The following ZNF587B variants were observed in gnomAD, a reference collection of about 807,000 sequenced individuals.
The protein encoded by ZNF587B is zinc finger protein 587B.
In ZNF587B, 6 loss-of-function variants were observed where a neutral mutation model predicts 7.2. That is an observed-to-expected ratio of 0.83 (90% CI 0.46 to 1.65). ZNF587B has a LOEUF of 1.65. Among genes scored for constraint, ZNF587B ranks in the 40% most tolerant of loss-of-function variants. ZNF587B has a pLI of 0.01. For synonymous variants in ZNF587B, 274 were observed against 254.3 expected (o/e 1.08, Z -0.74); for missense variants, 749 against 761.0 (o/e 0.98, Z 0.19).
At position 57,843,205 on chromosome 19, in the gene ZNF587B, T is replaced by A; in HGVS notation, c.*629T>A. 1 of 754,148 alleles carries A rather than the reference T, an allele frequency of 1.3e-6. No individual in the cohort carries two copies. Among genetic ancestry groups the A allele is most frequent in the Non-Finnish European group, 1.6e-6 (1 of 619,328 alleles). 46.7% of individuals were successfully genotyped at this position (754,148 alleles called of 1,614,324 possible). On this transcript the variant is annotated 3_prime_UTR_variant, in exon 3 of 3. Coordinates refer to ENST00000594901, the MANE Select transcript of ZNF587B (RefSeq NM_001376223.1). ...ATAGGGTTTTACCATGTTTCCAGGC[T>A]GGTATCGAACTCCTGAGCTCAAGCA...
Position 57,842,683 on chromosome 19 carries a change from C to G in ZNF587B, c.*107C>G. ...AATGTTTACCCAAAAGAAGTCTGCT[C>G]TCCTTGGACATTGGAGAGTTCACAC... On this transcript the variant is annotated 3_prime_UTR_variant, in exon 3 of 3. Coordinates refer to ENST00000594901, the MANE Select transcript of ZNF587B (RefSeq NM_001376223.1). 7.5e-7 allele frequency: 1 copy of G among 1,342,110 alleles called. No homozygotes were observed. Among genetic ancestry groups the G allele is most frequent in the Non-Finnish European group, 9.5e-7 (1 of 1,052,316 alleles). The allele number at this position is 1,342,110 out of a possible 1,614,324, so 83.1% of individuals were successfully genotyped here.
At position 57,841,438 on chromosome 19, in the gene ZNF587B, T is replaced by A. The variant is rs35313547; in HGVS notation, c.764T>A (p.Val255Asp). 8 of 1,584,280 alleles carry A rather than the reference T, an allele frequency of 5.0e-6. No individual in the cohort carries two copies. Among genetic ancestry groups the A allele is most frequent in the Non-Finnish European group, 6.0e-6 (7 of 1,164,300 alleles). Residue 255 changes from valine to aspartate, a missense_variant, in exon 3 of 3, where the codon GTT (valine) becomes GAT (aspartate). This residue lies in a region of ZNF587B where 656 missense variants were observed against 596.5 expected (regional missense o/e 1.10). Transcript: ENST00000594901. ...TGTGGGAAATCCTTTAGCAAATATG[T>A]TAGCTTCAGTAATCATCAGAGAGTT... Reference protein sequence around the residue: ...CECGKSFSKYVSFSNHQRVHS... With the variant: ...CECGKSFSKYDSFSNHQRVHS...
intron 1 of ZNF587B, among the ~76,000 whole-genome samples, chr19:57,837,563 C>T (rs1234786886): frequency 3.9e-5 from 6 of 152,000 alleles, no homozygotes; most frequent in African/African-American, 1.4e-4. Context: ...ATTCTCCTGC[C>T]TCAGCCTCCC....
chr19:57,832,180 G>A (rs545866713), intron 1 of ZNF587B, among the ~76,000 whole-genome samples: 53 of 151,806 alleles, frequency 3.5e-4, no homozygotes, highest in South Asian at 3.3e-3. Flanking sequence ...TCCACCTCCC[G>A]GGTTCATGCC....
chr19:57,830,657 A>G, intron 1 of ZNF587B, 93 bp downstream of exon 1: 1 of 1,427,168 alleles, frequency 7.0e-7, no homozygotes, highest in Non-Finnish European at 9.6e-7. Context: ...TGGCAGAGCC[A>G]TAGGCAGCAG....
rs993138241 is a variant in ZNF587B at position 57,842,269 on chromosome 19, C to G, written c.1595C>G (p.Thr532Ser). Residue 532 changes from threonine (T) to serine (S), a missense_variant, in exon 3 of 3, where the codon ACC becomes AGC. Around this residue, in one of 3 missense-constraint regions of ZNF587B, gnomAD observed 656 missense variants for 596.5 expected, o/e 1.10. Transcript: ENST00000594901. ...TGCAGTGATTGTGGGAAGTCATTTA[C>G]CCACAGCTGTGCATTCATTGTTCAT... Reference protein sequence around the residue: ...YECSDCGKSFTHSCAFIVHKR... With the variant: ...YECSDCGKSFSHSCAFIVHKR... 2.2e-5 allele frequency: 35 copies of G among 1,613,146 alleles called. No individual in the cohort carries two copies. The highest frequency in any genetic ancestry group is 2.8e-5 in the Non-Finnish European group (33 of 1,179,448).
In ZNF587B at chr19:57,844,111, C is replaced by A. The variant is rs557506365; in HGVS notation, c.*1535C>A. The A allele has an allele frequency of 2.1e-4, 61 of 285,828 alleles. 1 individual carries two copies. The highest frequency in any genetic ancestry group is 1.6e-3 in the South Asian group (61 of 38,302). 17.7% of individuals were successfully genotyped at this position (285,828 alleles called of 1,614,324 possible). A position where few individuals can be genotyped will look rare whatever the true frequency, so the allele number is the denominator to read the frequency against. ...GGTCACAGAAGGATTTGTTGAGTAG[C>A]CTCAGCACTTCTTGCTTTTTCATTT... On this transcript the variant is annotated 3_prime_UTR_variant, in exon 3 of 3. Coordinates refer to ENST00000594901, the MANE Select transcript of ZNF587B (RefSeq NM_001376223.1).
intron 1 of ZNF587B, among the ~76,000 whole-genome samples, chr19:57,837,313 A>G (rs1044980700): frequency 1.3e-4 from 20 of 150,854 alleles, no homozygotes; most frequent in Admixed American, 3.3e-4. Flanking sequence ...CTGGAGTGCA[A>G]TGGCGCGATC....
chr19:57,836,513 A>C (rs1026952983), intron 1 of ZNF587B, among the ~76,000 whole-genome samples: 4 of 151,822 alleles, frequency 2.6e-5, no homozygotes, highest in African/African-American at 4.8e-5. Flanking sequence ...TATATATTTA[A>C]AATTTTTTCT....
Position 57,835,651 on chromosome 19 carries a change from C to T in ZNF587B, c.37-3372C>T, listed in dbSNP as rs1317193652. Among the ~76,000 whole-genome samples the T allele has an allele frequency of 7.0e-5, 10 of 143,062 alleles. 1 individual carries two copies. The highest frequency in any genetic ancestry group is 1.1e-4 in the Non-Finnish European group (7 of 65,602). The allele number at this position is 143,062 out of a possible 152,430, so 93.9% of individuals were successfully genotyped here. A position where few individuals can be genotyped will look rare whatever the true frequency, so the allele number is the denominator to read the frequency against. ...TGCTGGGATTACAGACTCGAGCCACCGTGCCTGGCAACCCTAGGGGTTTTG... is the reference window on the plus strand; with the variant it reads ...TGCTGGGATTACAGACTCGAGCCACTGTGCCTGGCAACCCTAGGGGTTTTG... On this transcript the variant is annotated intron_variant, in intron 1 of 2. Coordinates refer to ENST00000594901, the MANE Select transcript of ZNF587B (RefSeq NM_001376223.1).
At chr19:57,836,789 G>A (rs1397429368) in intron 1 of ZNF587B, among the ~76,000 whole-genome samples, 2 of 151,886 alleles carry the variant, frequency 1.3e-5, no homozygotes, top group African/African-American at 4.8e-5. Context: ...TATGGTGAAA[G>A]ACCATCTCTA....
Position 57,842,629 on chromosome 19 carries a change from A to G in ZNF587B, c.*53A>G. On this transcript the variant is annotated 3_prime_UTR_variant, in exon 3 of 3. Transcript: ENST00000594901. The stretch of plus-strand genomic sequence containing the variant: ...AATACAGGAGAGCACACACCTGAGT[A>G]AGATCTTGTGATTGCAGCAAATGTG... 5.1e-6 allele frequency: 7 copies of G among 1,368,278 alleles called. No homozygotes were observed. The highest frequency in any genetic ancestry group is 6.6e-6 in the Non-Finnish European group (7 of 1,062,148). The allele number at this position is 1,368,278 out of a possible 1,614,324, so 84.8% of individuals were successfully genotyped here.
chr19:57,831,786 C>T (rs576725483), intron 1 of ZNF587B, among the ~76,000 whole-genome samples: 53 of 148,698 alleles, frequency 3.6e-4, no homozygotes, highest in South Asian at 2.2e-3. Flanking sequence ...CTCACTGCAA[C>T]CTCCGCCTGC....
At chr19:57,831,522 A>G (rs1988393665) in intron 1 of ZNF587B, among the ~76,000 whole-genome samples, 1 of 151,428 alleles carries the variant, frequency 6.6e-6, no homozygotes, top group Non-Finnish European at 1.5e-5. Context: ...CCTCCCGAGT[A>G]GGTGTCATTA....
At chr19:57,837,542 A>G (rs946091049) in intron 1 of ZNF587B, among the ~76,000 whole-genome samples, 8 of 149,272 alleles carry the variant, frequency 5.4e-5, no homozygotes, top group South Asian at 2.1e-4. Flanking sequence ...TCCGCCTCCC[A>G]GGTTCACGCC....
rs781234504 is a variant in ZNF587B at position 57,841,470 on chromosome 19, G to A, written c.796G>A (p.Gly266Arg). Reference sequence around the variant, plus strand: ...CAGTAATCATCAGAGAGTTCACAGTGGAAAAAGACCTTATGAATGTGGAGA... The same window carrying A: ...CAGTAATCATCAGAGAGTTCACAGTAGAAAAAGACCTTATGAATGTGGAGA... ...SFSNHQRVHS[G>R]KRPYECGECE... Residue 266 changes from glycine to arginine, a missense_variant, in exon 3 of 3, where the codon GGA (glycine) becomes AGA (arginine). Gly to Arg is a moderately radical substitution (Grantham distance 125, BLOSUM62 -2). Transcript: ENST00000594901. 3.2e-6 allele frequency: 5 copies of A among 1,584,498 alleles called. No homozygotes were observed. In the Admixed American group the frequency reaches 7.3e-5, roughly 23 times the overall value.
chr19:57,842,211 C>T lies in ZNF587B; in HGVS notation c.1537C>T (p.Gln513Ter). The T allele has an allele frequency of 1.2e-6, 2 of 1,613,622 alleles. No individual in the cohort carries two copies. Among genetic ancestry groups the T allele is most frequent in the South Asian group, 2.2e-5 (2 of 91,010 alleles). The part of the protein sequence containing the change: ...FRHKCHLTAH[Q>*]RVHTGERPYE... Reference sequence around the variant, plus strand: ...GCACAAGTGCCACCTCACTGCACACCAGAGAGTTCACACTGGAGAAAGGCC... The same window carrying T: ...GCACAAGTGCCACCTCACTGCACACTAGAGAGTTCACACTGGAGAAAGGCC... The change falls in exon 3 of 3, where the codon CAG (glutamine) becomes TAG (stop). Residue 513 changes from glutamine (Q) to a stop codon, truncating the protein, a stop_gained. Transcript: ENST00000594901. LOFTEE classifies it low-confidence loss of function (END_TRUNC).
At chr19:57,838,913 G>T in intron 1 of ZNF587B, 110 bp from the exon 2 acceptor site, 1 of 1,422,644 alleles carries the variant, frequency 7.0e-7, no homozygotes, top group Non-Finnish European at 9.6e-7. Context: ...TTTCTCCTAT[G>T]TTTGAGGACC....
At position 57,843,600 on chromosome 19, in the gene ZNF587B, GTTTTTT is replaced by G. The variant is rs771371494; in HGVS notation, c.*1039_*1044del. On this transcript the variant is annotated 3_prime_UTR_variant, in exon 3 of 3. Coordinates refer to ENST00000594901, the MANE Select transcript of ZNF587B (RefSeq NM_001376223.1). ...GTTGGTTGGTTGGTTGTTTTTTTTT[GTTTTTT>G]TTTTTTTTTTTTTTGGAGACAAAGT... 2.2e-5 allele frequency: 14 copies of G among 648,780 alleles called. No homozygotes were observed. The highest frequency in any genetic ancestry group is 7.9e-5 in the African/African-American group (2 of 25,468). The allele number at this position is 648,780 out of a possible 1,614,324, so 40.2% of individuals were successfully genotyped here.
Sources: gnomAD v4.1 joint callset for allele counts (sites outside exome capture counted in the v4.1 genomes callset) on GRCh38, gnomAD v4.1.1 for gene constraint, gnomAD v4.1.1 regional missense constraint, MANE v1.5 for transcripts, NCBI Gene and HGNC (gene_info 2026-07-23, HGNC 2026-07-21) for gene names.